MB21D2: variants seen among roughly 807,000 people sequenced by gnomAD.
MB21D2 encodes Mab-21 domain containing 2.
In MB21D2, 9 loss-of-function variants were observed where a neutral mutation model predicts 33.3. The ratio of observed to expected loss-of-function variants is 0.27; its 90% CI spans 0.16 to 0.47. The LOEUF is 0.47. Ranked by LOEUF, MB21D2 falls within the 20% of genes least tolerant of loss-of-function variation. MB21D2 has a pLI of 0.99. For missense variants in MB21D2, 540 were observed against 624.6 expected, an observed-to-expected ratio of 0.86 and a Z score of 1.44; for synonymous variants, 241 against 236.3, an observed-to-expected ratio of 1.02 and a Z score of -0.18.
chr3:192,873,744 A>G (rs1054476828), intron 1 of MB21D2, among the ~76,000 whole-genome samples: 7 of 152,092 alleles, frequency 4.6e-5, no homozygotes, highest in Admixed American at 3.9e-4. Context: ...CGCTCTGTCA[A>G]CAGGCTGGAG....
rs11294126 is a variant in MB21D2, at chr3:192,878,081, CTTTT to C, written c.211+39545_211+39548del. On this transcript the variant is annotated intron_variant, in intron 1 of 1. Coordinates refer to ENST00000392452, the MANE Select transcript of MB21D2 (RefSeq NM_178496.4). ...GAAACATCTTCAAACAATTCCTCCT[CTTTT>C]TTTTTTTTTTTTTTTTGGTTTTTTT... Among the ~76,000 whole-genome samples the C allele has an allele frequency of 2.3e-4, 28 of 119,496 alleles. 1 individual carries two copies. The highest frequency in any genetic ancestry group is 5.1e-4 in the African/African-American group (16 of 31,598). 78.4% of individuals were successfully genotyped at this position (119,496 alleles called of 152,430 possible).
At chr3:192,835,270 C>T (rs189088628) in intron 1 of MB21D2, among the ~76,000 whole-genome samples, 9 of 149,644 alleles carry the variant, frequency 6.0e-5, no homozygotes, top group East Asian at 2.0e-4. Context: ...CTGGCTAGCA[C>T]GGTGAAACAC....
At chr3:192,841,215 G>C (rs970339353) in intron 1 of MB21D2, among the ~76,000 whole-genome samples, 15 of 152,248 alleles carry the variant, frequency 9.9e-5, no homozygotes, top group African/African-American at 3.4e-4. Flanking sequence ...AACAGTGCCA[G>C]GCTAGCTGGC....
At chr3:192,808,747 G>A (rs552072712) in intron 1 of MB21D2, among the ~76,000 whole-genome samples, 1 of 152,212 alleles carries the variant, frequency 6.6e-6, no homozygotes. Flanking sequence ...AGTCACAGTG[G>A]CTGTAAGAAG....
chr3:192,909,247 C>T (rs1377326353), intron 1 of MB21D2, among the ~76,000 whole-genome samples: 5 of 148,646 alleles, frequency 3.4e-5, no homozygotes, highest in Admixed American at 3.3e-4. Context: ...CAGAGCGAGA[C>T]TCTGTCTCAA....
At chr3:192,827,475 C>G (rs148156019) in intron 1 of MB21D2, among the ~76,000 whole-genome samples, 2 of 152,074 alleles carry the variant, frequency 1.3e-5, no homozygotes, top group African/African-American at 4.8e-5. Flanking sequence ...AGTGCTGACA[C>G]TTAGAGAAGT....
chr3:192,799,747 A>C lies in MB21D2; in HGVS notation c.212-97T>G, dbSNP rs1240446918. 4.6e-6 allele frequency: 6 copies of C among 1,305,106 alleles called. No homozygotes were observed. In the East Asian group the frequency reaches 1.5e-4, roughly 33 times the overall value. The allele number at this position is 1,305,106 out of a possible 1,614,324, so 80.8% of individuals were successfully genotyped here. ...AATGCTCTGATGTTCCAAGAACCAA[A>C]ACTCATTATCAGTACTAAATCAAAT... is the stretch of plus-strand genomic sequence containing the variant. On this transcript the variant is annotated intron_variant, in intron 1 of 1. Coordinates refer to ENST00000392452, the MANE Select transcript of MB21D2 (RefSeq NM_178496.4). The surrounding 1 kb of genome is among the most constrained non-coding windows in gnomAD (Gnocchi z 4.1).
chr3:192,840,401 T>A (rs1358214786), intron 1 of MB21D2, among the ~76,000 whole-genome samples: 2 of 145,504 alleles, frequency 1.4e-5, no homozygotes, highest in East Asian at 4.1e-4. Context: ...GACAAAGACT[T>A]TTTTCTCTTT....
At chr3:192,905,648 A>AG (rs1360185655) in intron 1 of MB21D2, among the ~76,000 whole-genome samples, 1 of 150,352 alleles carries the variant, frequency 6.7e-6, no homozygotes, top group East Asian at 1.9e-4. Flanking sequence ...AAAAAAAAAA[A>AG]AAAAAAGAAA....
chr3:192,895,087 G>A (rs756311671), intron 1 of MB21D2, among the ~76,000 whole-genome samples: 2 of 152,076 alleles, frequency 1.3e-5, no homozygotes, highest in Non-Finnish European at 2.9e-5. Context: ...TTGGGGGGGA[G>A]GGGGCCAAGG....
intron 1 of MB21D2, among the ~76,000 whole-genome samples, chr3:192,833,710 G>C (rs936418860): frequency 6.6e-6 from 1 of 152,188 alleles, no homozygotes; most frequent in African/African-American, 2.4e-5. Flanking sequence ...GGTGCACGTA[G>C]TGTCTCAAAA....
At chr3:192,852,963 TTC>T (rs1712838978) in intron 1 of MB21D2, among the ~76,000 whole-genome samples, 1 of 152,272 alleles carries the variant, frequency 6.6e-6, no homozygotes, top group African/African-American at 2.4e-5. Flanking sequence ...CATCTTTCAT[TTC>T]TGTTAGCTAC....
At chr3:192,875,671 CAAT>C (rs1713414147) in intron 1 of MB21D2, among the ~76,000 whole-genome samples, 2 of 152,022 alleles carry the variant, frequency 1.3e-5, no homozygotes, top group Admixed American at 1.3e-4. Flanking sequence ...TTTTTAGAGA[CAAT>C]AACATGATTA....
At chr3:192,847,437 G>C (rs1712700131) in intron 1 of MB21D2, among the ~76,000 whole-genome samples, 1 of 152,120 alleles carries the variant, frequency 6.6e-6, no homozygotes, top group Non-Finnish European at 1.5e-5. Context: ...CCACGAACTA[G>C]CAGTTAGGGG....
chr3:192,822,329 C>T (rs1312830705), intron 1 of MB21D2, among the ~76,000 whole-genome samples: 1 of 152,062 alleles, frequency 6.6e-6, no homozygotes, highest in Non-Finnish European at 1.5e-5. Flanking sequence ...TGGTTTCTCC[C>T]CAAAATAAGA....
intron 1 of MB21D2, among the ~76,000 whole-genome samples, chr3:192,900,825 C>T (rs1448994566): frequency 1.3e-5 from 2 of 152,018 alleles, no homozygotes; most frequent in African/African-American, 2.4e-5. Flanking sequence ...CCTGTAGTCC[C>T]ACCTACTCGG....
intron 1 of MB21D2, among the ~76,000 whole-genome samples, chr3:192,849,316 T>TTGGGGGGG (rs1394136617): frequency 2.2e-5 from 2 of 92,176 alleles, no homozygotes; most frequent in Non-Finnish European, 4.2e-5. Context: ...TCTCTTTTTT[T>TTGGGGGGG]GGGGGGGGGG....
chr3:192,820,622 G>A (rs1270859624), intron 1 of MB21D2, among the ~76,000 whole-genome samples: 1 of 152,244 alleles, frequency 6.6e-6, no homozygotes, highest in African/African-American at 2.4e-5. Context: ...CTCAGACTGT[G>A]TCAAATATTC....
intron 1 of MB21D2, among the ~76,000 whole-genome samples, chr3:192,853,961 T>G (rs1220523615): frequency 6.6e-6 from 1 of 152,228 alleles, no homozygotes; most frequent in Non-Finnish European, 1.5e-5. Flanking sequence ...TTCTGACTGC[T>G]CCACAACCAG....
Sources: gnomAD v4.1 joint callset for allele counts (sites outside exome capture counted in the v4.1 genomes callset) on GRCh38, gnomAD v4.1.1 for gene constraint, Gnocchi (gnomAD v3.1) non-coding constraint, MANE v1.5 for transcripts, NCBI Gene and HGNC (gene_info 2026-07-23, HGNC 2026-07-21) for gene names.